Variants in FER observed in about 807,000 individuals in gnomAD.
FER encodes tyrosine-protein kinase Fer.
Under a neutral mutation model 111.0 loss-of-function variants are expected in FER, and 63 were observed. The observed-to-expected ratio is 0.57, with a 90% CI of 0.46 to 0.70. The LOEUF is 0.70. FER is among the 30% of genes least tolerant of loss of function. FER has a pLI of 0.00. For synonymous variants in FER, 327 were observed against 313.9 expected (o/e 1.04, Z -0.44); for missense variants, 914 against 954.0 (o/e 0.96, Z 0.55).
At chr5:109,018,016 A>C (rs1034800024) in intron 13 of FER, among the ~76,000 whole-genome samples, 2 of 151,892 alleles carry the variant, frequency 1.3e-5, no homozygotes, top group African/African-American at 4.8e-5. Flanking sequence ...ACTTTGTAAT[A>C]GTAGGGAAAG....
intron 16 of FER, chr5:109,051,435 C>G: frequency 6.2e-7 from 1 of 1,613,054 alleles, no homozygotes; most frequent in Non-Finnish European, 8.5e-7. Context: ...TTTTAGAATT[C>G]TGGTTATCAT....
At chr5:108,900,644 C>T (rs564254810) in intron 10 of FER, among the ~76,000 whole-genome samples, 1 of 152,230 alleles carries the variant, frequency 6.6e-6, no homozygotes, top group Non-Finnish European at 1.5e-5. Context: ...ATGAATTATG[C>T]TCCATGATCT....
At chr5:108,841,008 A>T (rs1761208856) in intron 5 of FER, among the ~76,000 whole-genome samples, 1 of 152,236 alleles carries the variant, frequency 6.6e-6, no homozygotes, top group Non-Finnish European at 1.5e-5. Context: ...TGCCTAGCAG[A>T]TGACTGGGAA....
At chr5:109,150,248 C>T (rs10035329) in intron 17 of FER, among the ~76,000 whole-genome samples, 46,337 of 151,904 alleles carry the variant, frequency 0.31, 7,287 homozygotes, top group Non-Finnish European at 0.34. Flanking sequence ...TCAGCTGGCT[C>T]TCATTTTCTC....
intron 10 of FER, among the ~76,000 whole-genome samples, chr5:108,935,203 C>T (rs144194002): frequency 2.3e-3 from 351 of 152,126 alleles, no homozygotes; most frequent in African/African-American, 7.9e-3. Context: ...TTCGGGAGGC[C>T]AGAAGTCCAA....
chr5:109,152,438 G>C (rs1754949326), intron 17 of FER, among the ~76,000 whole-genome samples: 1 of 151,918 alleles, frequency 6.6e-6, no homozygotes, highest in African/African-American at 2.4e-5. Context: ...CATAAGGCTA[G>C]AAGTATTGCC....
At chr5:109,055,962 C>G (rs1221942632) in intron 16 of FER, among the ~76,000 whole-genome samples, 2 of 151,692 alleles carry the variant, frequency 1.3e-5, no homozygotes, top group Admixed American at 6.6e-5. Flanking sequence ...AAATGGCCGA[C>G]AGATATACGA....
At position 108,810,618 on chromosome 5, in the gene FER, C is replaced by T. The variant is rs562695900; in HGVS notation, c.207+12229C>T. 5.3e-5 allele frequency among the ~76,000 whole-genome samples: 8 copies of T among 152,300 alleles called. No homozygotes were observed. In the South Asian group the frequency reaches 1.7e-3, roughly 32 times the overall value. On this transcript the variant is annotated intron_variant, in intron 3 of 19. Transcript: ENST00000281092. Reference sequence around the variant, plus strand: ...AGAGTGGGTACTCCAGATGCCTAGACATGGAGAGTACTGCAGCACCACAGT... The same window carrying T: ...AGAGTGGGTACTCCAGATGCCTAGATATGGAGAGTACTGCAGCACCACAGT...
intron 13 of FER, among the ~76,000 whole-genome samples, chr5:108,965,221 T>A (rs1282989268): frequency 6.6e-6 from 1 of 152,162 alleles, no homozygotes; most frequent in Non-Finnish European, 1.5e-5. Flanking sequence ...GTCTTGGATT[T>A]GAGCACAGAG....
At chr5:108,815,653 T>C (rs1222689859) in intron 3 of FER, among the ~76,000 whole-genome samples, 5 of 152,196 alleles carry the variant, frequency 3.3e-5, no homozygotes, top group Non-Finnish European at 7.4e-5. Flanking sequence ...ATAAATACTA[T>C]CTTCAAATGA....
chr5:108,889,109 C>G (rs1747624620), intron 9 of FER, among the ~76,000 whole-genome samples: 1 of 151,752 alleles, frequency 6.6e-6, no homozygotes, highest in South Asian at 2.1e-4. Flanking sequence ...AAGATAAAAA[C>G]CTGAACTCAG....
chr5:109,052,051 T>C (rs1772912602), intron 16 of FER: 3 of 1,602,836 alleles, frequency 1.9e-6, no homozygotes, highest in Admixed American at 3.3e-5. Context: ...AATACCATAC[T>C]TGAACTTCTT....
intron 1 of FER, among the ~76,000 whole-genome samples, chr5:108,755,460 G>A (rs114150817): frequency 0.015 from 2,212 of 152,186 alleles, 13 homozygotes; most frequent in Non-Finnish European, 0.022. Flanking sequence ...AAGTGCATTT[G>A]ACTCTTCTAG....
At chr5:108,984,522 A>ATCCCAAACATGATGT (rs1554108269) in intron 13 of FER, among the ~76,000 whole-genome samples, 1 of 152,028 alleles carries the variant, frequency 6.6e-6, no homozygotes, top group Non-Finnish European at 1.5e-5. Context: ...AATTATTCTT[A>ATCCCAAACATGATGT]TCCCAAACAT....
At chr5:109,151,229 C>G (rs150654847) in intron 17 of FER, among the ~76,000 whole-genome samples, 271 of 152,168 alleles carry the variant, frequency 1.8e-3, no homozygotes, top group Middle Eastern at 6.8e-3. Context: ...TTTTTCTACA[C>G]ATTACTTTGA....
intron 17 of FER, among the ~76,000 whole-genome samples, chr5:109,119,764 C>T (rs1282554787): frequency 6.6e-6 from 1 of 151,932 alleles, no homozygotes; most frequent in Admixed American, 6.6e-5. Context: ...CCTTTTTCTC[C>T]ACATCTTCAC....
intron 2 of FER, among the ~76,000 whole-genome samples, chr5:108,796,484 A>G (rs571695061): frequency 6.6e-6 from 1 of 152,294 alleles, no homozygotes; most frequent in East Asian, 1.9e-4. Flanking sequence ...GTAGGCTCCA[A>G]GTGGGTCCAG....
rs533058446 is a variant in FER, at chr5:109,075,626, T to C, written c.1925-24770T>C. Among the ~76,000 whole-genome samples, 11 of 152,196 alleles carry C rather than the reference T, an allele frequency of 7.2e-5. No homozygotes were observed. The East Asian group carries it at 2.1e-3, about 30-fold the overall frequency. ...TTTTAGTAGAGACGGGGTTTCACCG[T>C]GTTAGCCAGGATGGTCTCAATCTCC... is the stretch of plus-strand genomic sequence containing the variant. On this transcript the variant is annotated intron_variant, in intron 16 of 19. Transcript: ENST00000281092.
In FER at chr5:108,958,448, A is replaced by G. The variant is rs543098037; in HGVS notation, c.1534-777A>G. ...AAATATGGCCAATAGGGTATTTTTG[A>G]TTTGCCAGGTTTATTGCTATCAATT... On this transcript the variant is annotated intron_variant, in intron 12 of 19. Transcript: ENST00000281092. 3.9e-4 allele frequency among the ~76,000 whole-genome samples: 59 copies of G among 151,778 alleles called. 3 individuals carry two copies. The South Asian group carries it at 0.012, about 31-fold the overall frequency.
Sources: allele counts gnomAD v4.1 joint callset (sites outside exome capture counted in the v4.1 genomes callset), GRCh38; gene constraint gnomAD v4.1.1; transcripts MANE v1.5; gene names NCBI Gene and HGNC (gene_info 2026-07-23, HGNC 2026-07-21).